MARCHF1: variants seen among roughly 807,000 people sequenced by gnomAD.
MARCHF1 encodes membrane associated ring-CH-type finger 1, also known as E3 ubiquitin-protein ligase MARCHF1.
Under a neutral mutation model 54.2 loss-of-function variants are expected in MARCHF1, and 40 were observed. The ratio of observed to expected loss-of-function variants is 0.74; its 90% confidence interval spans 0.57 to 0.96. The LOEUF (loss-of-function observed/expected upper bound fraction) is 0.96. Among genes scored for constraint, MARCHF1 ranks in the 40% least tolerant of loss-of-function variants. MARCHF1 has a pLI of 0.00. For missense variants in MARCHF1, 586 were observed against 656.5 expected (o/e 0.89, Z 1.17); for synonymous variants, 236 against 236.3 (o/e 1.00, Z 0.01).
chr4:163,736,118 T>C (rs183148139), intron 4 of MARCHF1, among the ~76,000 whole-genome samples: 1 of 152,314 alleles, frequency 6.6e-6, no homozygotes, highest in Admixed American at 6.5e-5. Context: ...AGCATATATA[T>C]GTTTTAAATT....
At chr4:163,830,742 A>G (rs1342989915) in intron 4 of MARCHF1, among the ~76,000 whole-genome samples, 1 of 151,986 alleles carries the variant, frequency 6.6e-6, no homozygotes, top group East Asian at 1.9e-4. Context: ...GTGACACCCC[A>G]GTCTCTAAAA....
intron 5 of MARCHF1, among the ~76,000 whole-genome samples, chr4:163,692,575 GGA>G (rs1744497782): frequency 1.4e-5 from 2 of 143,108 alleles, no homozygotes; most frequent in African/African-American, 2.6e-5. Flanking sequence ...CCACAGGGCT[GGA>G]TTATGGCTCC....
chr4:163,971,707 C>A (rs1312474003), intron 3 of MARCHF1, among the ~76,000 whole-genome samples: 1 of 152,114 alleles, frequency 6.6e-6, no homozygotes, highest in Non-Finnish European at 1.5e-5. Context: ...CAAGTAAATA[C>A]AATAAAACAG....
At chr4:163,987,921 C>T (rs1752900723) in intron 3 of MARCHF1, among the ~76,000 whole-genome samples, 1 of 152,178 alleles carries the variant, frequency 6.6e-6, no homozygotes, top group South Asian at 2.1e-4. Flanking sequence ...TCAAAGAAAG[C>T]TTTTTGTCAT....
At chr4:163,962,117 G>C (rs776012543) in intron 3 of MARCHF1, among the ~76,000 whole-genome samples, 3 of 151,876 alleles carry the variant, frequency 2.0e-5, no homozygotes, top group Non-Finnish European at 4.4e-5. Flanking sequence ...GTTAAGTTTT[G>C]TGTCTAAAAA....
intron 1 of MARCHF1, among the ~76,000 whole-genome samples, chr4:164,124,731 A>G (rs1198362149): frequency 1.3e-5 from 2 of 152,100 alleles, no homozygotes; most frequent in Non-Finnish European, 2.9e-5. Flanking sequence ...AATCAAAACA[A>G]TTGAACCCAT....
At chr4:163,877,019 T>A (rs2111232979) in intron 3 of MARCHF1, among the ~76,000 whole-genome samples, 1 of 152,234 alleles carries the variant, frequency 6.6e-6, no homozygotes, top group African/African-American at 2.4e-5. Flanking sequence ...TTAGTCCTAA[T>A]TTTTGGAAAT....
intron 5 of MARCHF1, among the ~76,000 whole-genome samples, chr4:163,697,598 G>C (rs987501382): frequency 6.6e-6 from 1 of 152,104 alleles, no homozygotes; most frequent in Admixed American, 6.6e-5. Context: ...AAATAGGCAG[G>C]AAAGCAGACT....
intron 1 of MARCHF1, among the ~76,000 whole-genome samples, chr4:164,303,315 G>T (rs1357317453): frequency 6.6e-6 from 1 of 152,138 alleles, no homozygotes; most frequent in Admixed American, 6.6e-5. Context: ...CAAGAAAATT[G>T]ATTTTTCTCA....
intron 3 of MARCHF1, among the ~76,000 whole-genome samples, chr4:163,952,647 G>C (rs535362284): frequency 3.3e-5 from 5 of 152,236 alleles, no homozygotes; most frequent in Admixed American, 6.5e-5. Context: ...CATATAATTT[G>C]CATATCATCT....
chr4:163,738,578 A>C (rs1746113272), intron 4 of MARCHF1, among the ~76,000 whole-genome samples: 1 of 152,220 alleles, frequency 6.6e-6, no homozygotes, highest in Non-Finnish European at 1.5e-5. Context: ...ATAGGTCCAC[A>C]ATGTCTTTAT....
intron 2 of MARCHF1, among the ~76,000 whole-genome samples, chr4:164,073,873 G>A (rs189680540): frequency 9.2e-5 from 14 of 151,754 alleles, no homozygotes; most frequent in South Asian, 4.2e-4. Flanking sequence ...GCGCAATTTC[G>A]GCTCACCGCA....
chr4:163,624,385 T>C (rs1297025626), intron 5 of MARCHF1, among the ~76,000 whole-genome samples: 1 of 152,206 alleles, frequency 6.6e-6, no homozygotes, highest in Non-Finnish European at 1.5e-5. Context: ...TTTCTTAGAT[T>C]CTGCTCAGTC....
At chr4:163,593,228 A>C (rs1740650317) in intron 7 of MARCHF1, among the ~76,000 whole-genome samples, 1 of 152,194 alleles carries the variant, frequency 6.6e-6, no homozygotes, top group Non-Finnish European at 1.5e-5. Context: ...CATATGTCAT[A>C]AATATTCATT....
intron 1 of MARCHF1, among the ~76,000 whole-genome samples, chr4:164,263,317 T>G (rs983895152): frequency 6.6e-6 from 1 of 152,214 alleles, no homozygotes; most frequent in Non-Finnish European, 1.5e-5. Context: ...ACAAACCATT[T>G]TTGATATCTG....
intron 2 of MARCHF1, among the ~76,000 whole-genome samples, chr4:164,049,774 C>T (rs572046083): frequency 6.6e-6 from 1 of 152,204 alleles, no homozygotes; most frequent in Non-Finnish European, 1.5e-5. Context: ...TATACACACA[C>T]ATTTGAGAAA....
chr4:163,688,806 C>A (rs74922954), intron 5 of MARCHF1, among the ~76,000 whole-genome samples: 1 of 151,920 alleles, frequency 6.6e-6, no homozygotes, highest in Admixed American at 6.6e-5. Context: ...TAATGATGGA[C>A]GGATAGACTT....
rs1160858773 is a variant in MARCHF1 at position 164,101,555 on chromosome 4, C to G, written c.-248+10033G>C. 9.4e-3 allele frequency among the ~76,000 whole-genome samples: 1,223 copies of G among 130,300 alleles called. 17 individuals are homozygous for G. Among genetic ancestry groups the G allele is most frequent in the African/African-American group, 0.032 (1,160 of 36,128 alleles). 85.5% of individuals were successfully genotyped at this position (130,300 alleles called of 152,430 possible). A position where few individuals can be genotyped will look rare whatever the true frequency, so the allele number is the denominator to read the frequency against. ...CAACAGACCTGCAGCTGAGGGTCCT[C>G]TCTGTTAGAAGGAAAACTAACAAAC... On this transcript the variant is annotated intron_variant, in intron 2 of 9. Coordinates refer to ENST00000514618, the MANE Select transcript of MARCHF1 (RefSeq NM_001394959.1).
At chr4:163,725,946 T>C (rs149909898) in intron 4 of MARCHF1, among the ~76,000 whole-genome samples, 49 of 152,286 alleles carry the variant, frequency 3.2e-4, no homozygotes, top group African/African-American at 1.1e-3. Flanking sequence ...TGTAAAACTG[T>C]AATAAATTGA....
Sources: allele counts gnomAD v4.1 joint callset (sites outside exome capture counted in the v4.1 genomes callset), GRCh38; gene constraint gnomAD v4.1.1; transcripts MANE v1.5; gene names NCBI Gene and HGNC (gene_info 2026-07-23, HGNC 2026-07-21).